Variants in MNAT1 observed in about 807,000 individuals in gnomAD.
MNAT1 encodes CDK-activating kinase assembly factor MAT1.
In MNAT1, 43 loss-of-function variants were observed where a neutral mutation model predicts 42.0. The observed-to-expected ratio is 1.02, with a 90% CI of 0.80 to 1.32. MNAT1 has a LOEUF of 1.32. Ranked by LOEUF, MNAT1 falls within the 40% of genes most tolerant of loss-of-function variation. MNAT1 has a pLI of 0.00. For synonymous variants in MNAT1, 118 were observed against 120.0 expected, an observed-to-expected ratio of 0.98 and a Z score of 0.11; for missense variants, 306 against 350.4, an observed-to-expected ratio of 0.87 and a Z score of 1.01.
rs561839530 is a variant in MNAT1, at chr14:60,736,640, T to A, written c.89+1689T>A. On this transcript the variant is annotated intron_variant, in intron 1 of 7. Transcript: ENST00000261245. Reference sequence around the variant, plus strand: ...AAATGAGTGAAAAGCTGTAGCGTATTGGCTGAGAGAACAAGCTTTGGAATG... The same window carrying A: ...AAATGAGTGAAAAGCTGTAGCGTATAGGCTGAGAGAACAAGCTTTGGAATG... Among the ~76,000 whole-genome samples, 252 of 152,278 alleles carry A rather than the reference T, an allele frequency of 1.7e-3. 1 individual carries two copies. Among genetic ancestry groups the A allele is most frequent in the African/African-American group, 5.8e-3 (242 of 41,566 alleles).
intron 3 of MNAT1, among the ~76,000 whole-genome samples, chr14:60,804,397 A>G (rs1191158099): frequency 1.3e-5 from 2 of 152,230 alleles, no homozygotes; most frequent in Admixed American, 6.5e-5. Context: ...TTTTTAAAGG[A>G]AGAGACTTGT....
intron 2 of MNAT1, among the ~76,000 whole-genome samples, chr14:60,797,708 C>T (rs1334576315): frequency 6.6e-6 from 1 of 152,074 alleles, no homozygotes; most frequent in Non-Finnish European, 1.5e-5. Context: ...TGGTGGATCA[C>T]TTGAGATCAG....
chr14:60,895,228 T>C (rs1386434440), intron 7 of MNAT1, among the ~76,000 whole-genome samples: 1 of 152,220 alleles, frequency 6.6e-6, no homozygotes, highest in Non-Finnish European at 1.5e-5. Flanking sequence ...AATTATTATC[T>C]GAAGCTATCT....
At chr14:60,875,030 A>G (rs753251332) in intron 6 of MNAT1, among the ~76,000 whole-genome samples, 6 of 152,100 alleles carry the variant, frequency 3.9e-5, no homozygotes, top group Non-Finnish European at 8.8e-5. Context: ...TTGGAAGGGC[A>G]GTTTGTGTGT....
intron 1 of MNAT1, among the ~76,000 whole-genome samples, chr14:60,748,203 A>G (rs1356643133): frequency 2.0e-5 from 3 of 152,098 alleles, no homozygotes; most frequent in Non-Finnish European, 2.9e-5. Context: ...TCTCAGAAAA[A>G]AAAAAAAAGA....
intron 7 of MNAT1, among the ~76,000 whole-genome samples, chr14:60,887,717 C>A (rs9743735): frequency 6.7e-6 from 1 of 150,048 alleles, no homozygotes; most frequent in Non-Finnish European, 1.5e-5. Context: ...TAATAAAGAA[C>A]AAAAGAGAGA....
At chr14:60,868,292 A>C (rs1481699648) in intron 6 of MNAT1, among the ~76,000 whole-genome samples, 1 of 152,212 alleles carries the variant, frequency 6.6e-6, no homozygotes. Flanking sequence ...TTAAATTATT[A>C]GAACATTACC....
chr14:60,840,126 A>T (rs1039787936), intron 6 of MNAT1, among the ~76,000 whole-genome samples: 1 of 152,246 alleles, frequency 6.6e-6, no homozygotes, highest in African/African-American at 2.4e-5. Flanking sequence ...ATTAAATGTT[A>T]TACATTTTCT....
chr14:60,866,296 G>A (rs2034200364), intron 6 of MNAT1, among the ~76,000 whole-genome samples: 1 of 137,776 alleles, frequency 7.3e-6, no homozygotes, highest in African/African-American at 2.7e-5. Context: ...TTTTTGAGGG[G>A]TTATTTTGAC....
intron 1 of MNAT1, among the ~76,000 whole-genome samples, chr14:60,749,544 T>C (rs1015341058): frequency 1.1e-4 from 16 of 152,156 alleles, no homozygotes; most frequent in African/African-American, 3.9e-4. Flanking sequence ...TTATTAAAAC[T>C]TTTTCTCATC....
intron 6 of MNAT1, among the ~76,000 whole-genome samples, chr14:60,820,844 T>C (rs1421492640): frequency 6.6e-6 from 1 of 152,198 alleles, no homozygotes; most frequent in Admixed American, 6.5e-5. Flanking sequence ...TATCTTCCTA[T>C]GTCTTCCCAG....
At chr14:60,915,837 T>G (rs1047473740) in intron 7 of MNAT1, among the ~76,000 whole-genome samples, 1 of 152,230 alleles carries the variant, frequency 6.6e-6, no homozygotes, top group Admixed American at 6.5e-5. Flanking sequence ...TCTCATGCCT[T>G]GAATTTTACC....
chr14:60,748,388 G>A (rs1443429970), intron 1 of MNAT1, among the ~76,000 whole-genome samples: 2 of 152,058 alleles, frequency 1.3e-5, no homozygotes, highest in Non-Finnish European at 2.9e-5. Context: ...GCGCCACTGT[G>A]CCCAGTTAGT....
In MNAT1 at chr14:60,955,524, T is replaced by C. The variant is rs564717230; in HGVS notation, c.810-12705T>C. 2.0e-5 allele frequency among the ~76,000 whole-genome samples: 3 copies of C among 152,122 alleles called. No individual in the cohort carries two copies. In the South Asian group the frequency reaches 6.2e-4, roughly 32 times the overall value. On this transcript the variant is annotated intron_variant, in intron 7 of 7. Transcript: ENST00000261245. ...TAAAAATACAAAAATCAGCTGGGCG[T>C]GGTGGTGGGTGCCTGTAATCCCAGC...
chr14:60,801,625 A>G (rs945749795), intron 3 of MNAT1, among the ~76,000 whole-genome samples: 20 of 152,234 alleles, frequency 1.3e-4, no homozygotes, highest in African/African-American at 4.6e-4. Context: ...TAAAATCACA[A>G]TGAGATATCA....
intron 6 of MNAT1, among the ~76,000 whole-genome samples, chr14:60,862,571 T>C (rs2034121141): frequency 6.6e-6 from 1 of 152,172 alleles, no homozygotes; most frequent in East Asian, 1.9e-4. Flanking sequence ...CACAACTGCT[T>C]TTGTAGAGGT....
In MNAT1 at chr14:60,835,983, T is replaced by C. The variant is rs139850437; in HGVS notation, c.687+17136T>C. Among the ~76,000 whole-genome samples, 708 of 152,328 alleles carry C rather than the reference T, an allele frequency of 4.6e-3. 5 individuals carry two copies. Among genetic ancestry groups the C allele is most frequent in the African/African-American group, 0.016 (679 of 41,572 alleles). On this transcript the variant is annotated intron_variant, in intron 6 of 7. Coordinates refer to ENST00000261245, the MANE Select transcript of MNAT1 (RefSeq NM_002431.4). ...CGTCTTCACACTTTGTTTCATTAAA[T>C]TGATCTTCTATCTCTGATATCCTTT... is the stretch of plus-strand genomic sequence containing the variant.
At chr14:60,865,518 A>G (rs2034184427) in intron 6 of MNAT1, among the ~76,000 whole-genome samples, 1 of 152,114 alleles carries the variant, frequency 6.6e-6, no homozygotes, top group Non-Finnish European at 1.5e-5. Flanking sequence ...GTCTAATCAG[A>G]TAGTCTCCTT....
chr14:60,850,642 T>A (rs1161284612), intron 6 of MNAT1, among the ~76,000 whole-genome samples: 1 of 152,202 alleles, frequency 6.6e-6, no homozygotes, highest in African/African-American at 2.4e-5. Context: ...GTGTATTGTT[T>A]GTGAGAATAA....
Sources: gnomAD v4.1 joint callset for allele counts (sites outside exome capture counted in the v4.1 genomes callset) on GRCh38, gnomAD v4.1.1 for gene constraint, MANE v1.5 for transcripts, NCBI Gene and HGNC (gene_info 2026-07-23, HGNC 2026-07-21) for gene names.